TTC23L: variants seen among roughly 807,000 people sequenced by gnomAD.
TTC23L encodes the protein tetratricopeptide repeat protein 23-like.
Under a neutral mutation model 48.1 loss-of-function variants are expected in TTC23L, and 42 were observed. The ratio of observed to expected loss-of-function variants is 0.87; its 90% CI spans 0.68 to 1.13. TTC23L has a LOEUF of 1.13. TTC23L is among the 50% of genes most tolerant of loss of function. The pLI is 0.00. For synonymous variants in TTC23L, 159 were observed against 157.2 expected (o/e 1.01, Z -0.09); for missense variants, 391 against 421.0 (o/e 0.93, Z 0.62).
chr5:34,878,988 A>G (rs1378765898), intron 8 of TTC23L, among the ~76,000 whole-genome samples: 4 of 152,368 alleles, frequency 2.6e-5, no homozygotes, highest in African/African-American at 9.6e-5. Flanking sequence ...TGTGGTACAT[A>G]TACACAATAG....
the TTC23L span, among the ~76,000 whole-genome samples, chr5:34,912,046 C>A: frequency 2.0e-5 from 3 of 152,200 alleles, no homozygotes; most frequent in Non-Finnish European, 4.4e-5. Context: ...TCTTTGGAAT[C>A]ATTTTCAGGT....
chr5:34,863,177 A>C lies in TTC23L; in HGVS notation c.536+123A>C. 8.1e-7 allele frequency: 1 copy of C among 1,230,710 alleles called. No individual in the cohort carries two copies. Among genetic ancestry groups the C allele is most frequent in the Non-Finnish European group, 1.1e-6 (1 of 873,876 alleles). 76.2% of individuals were successfully genotyped at this position (1,230,710 alleles called of 1,614,324 possible). On this transcript the variant is annotated intron_variant, in intron 5 of 10. Coordinates refer to ENST00000505624, the Ensembl canonical transcript of TTC23L. This position sits in a 1 kb window ranked among gnomAD's most constrained non-coding sequence, Gnocchi z 4.1. Reference sequence around the variant, plus strand: ...GCCTTGTAGATCTGTTCCAACATCAAGGCCCTCCATGAGCCTCTCCTCTCC... The same window carrying C: ...GCCTTGTAGATCTGTTCCAACATCACGGCCCTCCATGAGCCTCTCCTCTCC...
rs903217231 is a variant in TTC23L, at chr5:34,846,265, TA to T, written c.255+603del. Among the ~76,000 whole-genome samples, 794 of 145,996 alleles carry T rather than the reference TA, an allele frequency of 5.4e-3. 2 individuals are homozygous for T. The highest frequency in any genetic ancestry group is 0.018 in the African/African-American group (702 of 39,938). ...GTTGCTGTTACCTTTAACTTAAAAT[TA>T]AAAAAAAAAATAGCTGGGCGTGGTG... On this transcript the variant is annotated intron_variant, in intron 3 of 10. Coordinates refer to ENST00000505624, the Ensembl canonical transcript of TTC23L.
At chr5:34,887,301 T>C (rs1387694124) in intron 9 of TTC23L, among the ~76,000 whole-genome samples, 1 of 151,926 alleles carries the variant, frequency 6.6e-6, no homozygotes, top group African/African-American at 2.4e-5. Flanking sequence ...ATCTGGGTAA[T>C]GGGGGCAGAA....
chr5:34,913,652 T>C, the TTC23L span: 8,005 of 854,930 alleles, frequency 9.4e-3, 53 homozygotes, highest in Non-Finnish European at 0.012. Flanking sequence ...TAGATTTCAC[T>C]TTATACGTTT....
intron 6 of TTC23L, among the ~76,000 whole-genome samples, chr5:34,866,174 A>G (rs1761036951): frequency 1.3e-5 from 2 of 152,238 alleles, no homozygotes; most frequent in Non-Finnish European, 2.9e-5. Context: ...AAATTTTGAA[A>G]ATACAGACAG....
At chr5:34,893,774 T>A (rs1180535505) in intron 9 of TTC23L, among the ~76,000 whole-genome samples, 1 of 147,108 alleles carries the variant, frequency 6.8e-6, no homozygotes, top group Admixed American at 7.0e-5. Context: ...TCTGAAAAAG[T>A]CCTTGAGAAT....
intron 10 of TTC23L, among the ~76,000 whole-genome samples, chr5:34,898,554 G>C (rs1319650673): frequency 6.6e-6 from 1 of 152,122 alleles, no homozygotes; most frequent in African/African-American, 2.4e-5. Flanking sequence ...GCCCACCTCT[G>C]AATTTATGAG....
At chr5:34,856,802 T>C (rs1465257391) in intron 4 of TTC23L, among the ~76,000 whole-genome samples, 2 of 152,292 alleles carry the variant, frequency 1.3e-5, no homozygotes, top group Admixed American at 6.5e-5. Flanking sequence ...TGCAGTGAAA[T>C]GCGGACTGAA....
chr5:34,887,265 C>A (rs1349288894), intron 9 of TTC23L, among the ~76,000 whole-genome samples: 1 of 152,024 alleles, frequency 6.6e-6, no homozygotes, highest in African/African-American at 2.4e-5. Flanking sequence ...ATAGCTTTTC[C>A]AGGGAAGCAT....
chr5:34,870,950 C>T (rs1227957036), intron 8 of TTC23L, among the ~76,000 whole-genome samples: 1 of 152,142 alleles, frequency 6.6e-6, no homozygotes, highest in Non-Finnish European at 1.5e-5. Context: ...ATGGAAGGAA[C>T]TTCTTTAATC....
chr5:34,851,992 A>G (rs531297614), intron 4 of TTC23L, among the ~76,000 whole-genome samples: 1 of 152,270 alleles, frequency 6.6e-6, no homozygotes, highest in South Asian at 2.1e-4. Context: ...AGAGAAAGTG[A>G]TATTTGTCCT....
chr5:34,868,048 A>G (rs1761194753), intron 7 of TTC23L: 1 of 152,232 alleles, frequency 6.6e-6, no homozygotes, highest in South Asian at 2.1e-4. Context: ...CCTAGAGGAT[A>G]TATCGATTCA....
At chr5:34,845,536 C>T in exon 3 of TTC23L, 1 of 1,613,744 alleles carries the variant, frequency 6.2e-7, no homozygotes, top group Non-Finnish European at 8.5e-7. Context: ...TGAGTTGTAT[C>T]CCACTGGTGG....
intron 4 of TTC23L, among the ~76,000 whole-genome samples, chr5:34,851,913 G>A (rs1759704655): frequency 6.6e-6 from 1 of 152,124 alleles, no homozygotes; most frequent in East Asian, 1.9e-4. Flanking sequence ...CCATTCTAGA[G>A]GTAGGAACAA....
At chr5:34,912,909 A>G in the TTC23L span, among the ~76,000 whole-genome samples, 180 of 152,248 alleles carry the variant, frequency 1.2e-3, no homozygotes, top group African/African-American at 4.2e-3. Flanking sequence ...GCTGAGGCAG[A>G]AGAATCACTT....
At chr5:34,873,919 G>T (rs542728555) in intron 8 of TTC23L, among the ~76,000 whole-genome samples, 1 of 152,270 alleles carries the variant, frequency 6.6e-6, no homozygotes, top group South Asian at 2.1e-4. Context: ...TCAACACTAA[G>T]CTATGCAGAC....
the TTC23L span, among the ~76,000 whole-genome samples, chr5:34,905,002 C>T: frequency 6.6e-6 from 1 of 152,222 alleles, no homozygotes; most frequent in Non-Finnish European, 1.5e-5. Context: ...ATATTTCACA[C>T]ATTTACTCTG....
intron 4 of TTC23L, among the ~76,000 whole-genome samples, chr5:34,859,840 CTTTTTTTTTTTT>C (rs10590697): frequency 1.2e-4 from 11 of 95,362 alleles, no homozygotes; most frequent in Non-Finnish European, 1.5e-4. Context: ...TTTTCTTCTT[CTTTTTTTTTTTT>C]TTTTTTTTTG....
Sources: allele counts gnomAD v4.1 joint callset (sites outside exome capture counted in the v4.1 genomes callset), GRCh38; gene constraint gnomAD v4.1.1; non-coding constraint Gnocchi (gnomAD v3.1); transcripts MANE v1.5; gene names NCBI Gene and HGNC (gene_info 2026-07-23, HGNC 2026-07-21).